DNAH14: variants seen among roughly 807,000 people sequenced by gnomAD.
The protein encoded by DNAH14 is axonemal beta dynein heavy chain 14.
In DNAH14, 478 loss-of-function variants were observed where a neutral mutation model predicts 520.9. That is an observed-to-expected ratio of 0.92 (90% confidence interval 0.85 to 0.99). The LOEUF (loss-of-function observed/expected upper bound fraction) is 0.99, where lower values mean the gene tolerates loss of function less well. Among genes scored for constraint, DNAH14 ranks in the 50% least tolerant of loss-of-function variants. The pLI, the probability that DNAH14 is intolerant of heterozygous loss-of-function variation, is 0.00. For synonymous variants in DNAH14, 1,581 were observed against 1,757.2 expected (o/e 0.90, Z 2.51); for missense variants, 4,831 against 5,234.5 (o/e 0.92, Z 2.38).
At chr1:225,077,765 CTG>C (rs1159402853) in intron 17 of DNAH14, among the ~76,000 whole-genome samples, 1 of 152,122 alleles carries the variant, frequency 6.6e-6, no homozygotes, top group East Asian at 1.9e-4. Flanking sequence ...AATATAAACT[CTG>C]TGGCAAAGAG....
At chr1:224,958,287 AT>A (rs1237016723) in intron 3 of DNAH14, among the ~76,000 whole-genome samples, 1 of 152,050 alleles carries the variant, frequency 6.6e-6, no homozygotes, top group Admixed American at 6.6e-5. Flanking sequence ...AGACAATAGG[AT>A]TTTTGGTTTG....
In DNAH14 at chr1:225,271,909, C is replaced by A; in HGVS notation, c.7675C>A (p.His2559Asn). The A allele has an allele frequency of 6.5e-7, 1 of 1,541,684 alleles. No homozygotes were observed. The highest frequency in any genetic ancestry group is 1.2e-5 in the South Asian group (1 of 82,218). ...QDILCTIFQA[H>N]LGIYFSINNF... ...ATTATAACATTTCTTTTTAAAGGCTCATTTGGGAATTTATTTCTCCATCAA... is the reference window on the plus strand; with the variant it reads ...ATTATAACATTTCTTTTTAAAGGCTAATTTGGGAATTTATTTCTCCATCAA... Residue 2559 changes from histidine (H) to asparagine (N), a missense_variant, in exon 51 of 86, where the codon CAT (histidine) becomes AAT (asparagine). Transcript: ENST00000682510.
intron 31 of DNAH14, 182 bp from the exon 32 acceptor site, chr1:225,151,823 A>G: frequency 1.5e-6 from 1 of 688,602 alleles, no homozygotes; most frequent in Non-Finnish European, 2.6e-6. Context: ...AGGGATGACA[A>G]CTTTGGCTCA....
chr1:224,964,411 T>C, intron 4 of DNAH14, 68 bp from the exon 5 acceptor site: 1 of 1,472,558 alleles, frequency 6.8e-7, no homozygotes, highest in South Asian at 1.6e-5. Flanking sequence ...ATTTGTAATA[T>C]TATGCATTAT....
rs1282401873 is a variant in DNAH14 at position 225,207,165 on chromosome 1, C to A, written c.6384C>A (p.Cys2128Ter). The change falls in exon 41 of 86, where the codon TGC becomes TGA. Residue 2128 changes from cysteine (C) to a stop codon, truncating the protein, a stop_gained. Coordinates refer to ENST00000682510, the MANE Select transcript of DNAH14 (RefSeq NM_001367479.1). LOFTEE classifies it high-confidence loss of function. Reference protein sequence around the residue: ...MEDITVVITLCRILDAFFDFM... With the variant: ...MEDITVVITL ...ACATAACAGTCGTCATAACCCTCTG[C>A]AGAATTCTTGATGCTTTCTTTGACT... is the stretch of plus-strand genomic sequence containing the variant. The A allele has an allele frequency of 2.6e-6, 4 of 1,540,984 alleles. No homozygotes were observed. Among genetic ancestry groups the A allele is most frequent in the East Asian group, 4.9e-5 (2 of 40,622 alleles).
At chr1:225,259,434 C>T (rs2092855155) in intron 46 of DNAH14, among the ~76,000 whole-genome samples, 181 bp downstream of exon 46, 1 of 151,744 alleles carries the variant, frequency 6.6e-6, no homozygotes, top group African/African-American at 2.4e-5. Context: ...TCCATTTAAA[C>T]TTTTATTTTT....
intron 17 of DNAH14, among the ~76,000 whole-genome samples, chr1:225,074,914 C>A (rs1311951742): frequency 1.3e-5 from 2 of 152,238 alleles, no homozygotes; most frequent in Non-Finnish European, 2.9e-5. Context: ...GTGAAAGTAG[C>A]ACCCCCAGAC....
At chr1:225,175,003 C>G (rs551149920) in intron 36 of DNAH14, among the ~76,000 whole-genome samples, 13 of 152,196 alleles carry the variant, frequency 8.5e-5, no homozygotes, top group South Asian at 2.1e-4. Flanking sequence ...GTTGAACAAT[C>G]CTTTCATTGC....
chr1:225,070,455 C>T (rs2071425410), intron 17 of DNAH14, among the ~76,000 whole-genome samples: 1 of 152,124 alleles, frequency 6.6e-6, no homozygotes, highest in Admixed American at 6.6e-5. Context: ...GCCTTAATTT[C>T]ATTATTTACC....
At chr1:225,235,468 C>T (rs770283953) in intron 42 of DNAH14, among the ~76,000 whole-genome samples, 4 of 151,802 alleles carry the variant, frequency 2.6e-5, no homozygotes, top group Non-Finnish European at 4.4e-5. Flanking sequence ...AGGATTTTTG[C>T]CCTGATGTTC....
intron 26 of DNAH14, among the ~76,000 whole-genome samples, chr1:225,123,159 G>C (rs2077426963): frequency 6.6e-6 from 1 of 152,082 alleles, no homozygotes; most frequent in East Asian, 1.9e-4. Context: ...GGGCTTTACT[G>C]TTACTCATCT....
Position 224,967,475 on chromosome 1 carries a change from G to A in DNAH14, c.543G>A (p.Arg181=). The change falls in exon 6 of 86, where the codon CGG becomes CGA. Residue 181 remains arginine, a synonymous_variant. Transcript: ENST00000682510. ...GAGAATTTGTTTATTGCCTTCCTCG[G>A]AAAAGTCCTAAATCCCTTTACAATC... ...DDGEFVYCLP[R]KSPKSLYNPY... 6.3e-7 allele frequency: 1 copy of A among 1,576,046 alleles called. No individual in the cohort carries two copies. Among genetic ancestry groups the A allele is most frequent in the Non-Finnish European group, 8.6e-7 (1 of 1,164,476 alleles).
In DNAH14 at chr1:225,097,163, AC is replaced by A. The variant is rs770305577; in HGVS notation, c.3622del (p.Glu1209ArgfsTer4). 3.4e-5 allele frequency: 53 copies of A among 1,550,304 alleles called. No individual in the cohort carries two copies. The East Asian group carries it at 4.2e-4, about 12-fold the overall frequency. On this transcript the variant is annotated frameshift_variant, in exon 22 of 86. Transcript: ENST00000682510. LOFTEE classifies it high-confidence loss of function. The stretch of plus-strand genomic sequence containing the variant: ...TCAAAACTTGACTCTCTTCTCTTAC[AC>A]CCTTGAGGAATGGATGAATTGTCAA... ...WDQNLTLFSY[T>X]LEEWMNCQRN...
intron 36 of DNAH14, among the ~76,000 whole-genome samples, chr1:225,179,300 T>G (rs1341696550): frequency 6.6e-6 from 1 of 152,210 alleles, no homozygotes; most frequent in Non-Finnish European, 1.5e-5. Flanking sequence ...TTTTCCTTTC[T>G]TCTTTTCTTA....
intron 13 of DNAH14, among the ~76,000 whole-genome samples, chr1:225,043,518 G>A (rs909557154): frequency 2.1e-4 from 32 of 152,206 alleles, no homozygotes; most frequent in Non-Finnish European, 1.5e-4. Context: ...AAGCAGAGCC[G>A]AGGGCCCCGT....
chr1:225,021,893 C>T (rs2065729486), intron 10 of DNAH14, among the ~76,000 whole-genome samples: 1 of 152,100 alleles, frequency 6.6e-6, no homozygotes, highest in East Asian at 1.9e-4. Flanking sequence ...TACAAGACTA[C>T]AGTAACCAAA....
chr1:225,389,618 T>C (rs2095880218), intron 82 of DNAH14, 116 bp from the exon 83 acceptor site: 3 of 1,213,530 alleles, frequency 2.5e-6, no homozygotes, highest in African/African-American at 1.5e-5. Flanking sequence ...AGTCCTGCAT[T>C]GGGGGAATCG....
chr1:225,270,910 T>A, intron 50 of DNAH14, 44 bp downstream of exon 50: 1 of 1,511,746 alleles, frequency 6.6e-7, no homozygotes, highest in Non-Finnish European at 8.9e-7. Context: ...ATTAATTCCC[T>A]AGAATAAGGA....
chr1:225,068,845 G>GACAGTGGAGTTTTCTAAATATAGGATCAT (rs1572845878), intron 17 of DNAH14, among the ~76,000 whole-genome samples: 8 of 1,736 alleles, frequency 4.6e-3, no homozygotes, highest in African/African-American at 9.0e-3. Context: ...GCTTTTGGGA[G>GACAGTGGAGTTTTCTAAATATAGGATCAT]GCCGAGGCGG....
Sources: allele counts gnomAD v4.1 joint callset (sites outside exome capture counted in the v4.1 genomes callset), GRCh38; gene constraint gnomAD v4.1.1; transcripts MANE v1.5; gene names NCBI Gene and HGNC (gene_info 2026-07-23, HGNC 2026-07-21).